The following SIMC1 variants were observed in gnomAD, a reference collection of about 807,000 sequenced individuals.
SIMC1 encodes the protein SUMO interacting motifs containing 1, also known as SUMO-interacting motif-containing protein 1.
In SIMC1, 55 loss-of-function variants were observed where a neutral mutation model predicts 82.3. The observed-to-expected ratio is 0.67, with a 90% CI of 0.54 to 0.84. The LOEUF (loss-of-function observed/expected upper bound fraction) is 0.84. Ranked by LOEUF, SIMC1 falls within the 40% of genes least tolerant of loss-of-function variation. SIMC1 has a pLI of 0.00. For missense variants in SIMC1, 915 were observed against 1,107.2 expected, an observed-to-expected ratio of 0.83 and a Z score of 2.46; for synonymous variants, 353 against 426.3, an observed-to-expected ratio of 0.83 and a Z score of 2.12.
intron 5 of SIMC1, among the ~76,000 whole-genome samples, chr5:176,319,979 C>T (rs1318472895): frequency 6.6e-6 from 1 of 152,138 alleles, no homozygotes; most frequent in Non-Finnish European, 1.5e-5. Flanking sequence ...TTCTGCACTT[C>T]CCTCTAGGTG....
At chr5:176,263,118 CTG>C (rs1307027974) in intron 1 of SIMC1, among the ~76,000 whole-genome samples, 1 of 152,072 alleles carries the variant, frequency 6.6e-6, no homozygotes, top group Non-Finnish European at 1.5e-5. Flanking sequence ...ATATAGAAAA[CTG>C]TGATGACAGG....
At chr5:176,337,873 G>A (rs937979415) in intron 9 of SIMC1, among the ~76,000 whole-genome samples, 8 of 152,198 alleles carry the variant, frequency 5.3e-5, no homozygotes, top group East Asian at 1.9e-4. Flanking sequence ...GACCAATGAC[G>A]ATGTAGGAGA....
chr5:176,267,969 C>T (rs909712076), intron 1 of SIMC1, among the ~76,000 whole-genome samples: 1 of 151,834 alleles, frequency 6.6e-6, no homozygotes, highest in African/African-American at 2.4e-5. Context: ...AGGCTGGTCT[C>T]CAGCTCCTGA....
chr5:176,287,310 T>G (rs988259070), intron 1 of SIMC1, among the ~76,000 whole-genome samples: 44 of 152,310 alleles, frequency 2.9e-4, no homozygotes, highest in African/African-American at 7.0e-4. Context: ...TAAAAAATGA[T>G]GAGTTCATGT....
intron 1 of SIMC1, among the ~76,000 whole-genome samples, chr5:176,248,437 T>C (rs1761524922): frequency 6.6e-6 from 1 of 152,152 alleles, no homozygotes. Flanking sequence ...GGAATGCTTG[T>C]GACTTTTGCA....
chr5:176,290,670 C>G lies in SIMC1; in HGVS notation c.1146C>G (p.Asp382Glu). The G allele has an allele frequency of 6.2e-7, 1 of 1,614,042 alleles. No individual in the cohort carries two copies. The highest frequency in any genetic ancestry group is 1.1e-5 in the South Asian group (1 of 91,086). Residue 382 changes from aspartate to glutamate, a missense_variant, in exon 2 of 10, where the codon GAC becomes GAG. By Grantham distance (45) the Asp-to-Glu change is conservative. Coordinates refer to ENST00000429602, the MANE Select transcript of SIMC1 (RefSeq NM_001308195.2). ...CCCAGAATGATGTACAGAACCGTGA[C>G]ATGCCTATGGATATCTCAGCTCTGT... ...DFTQNDVQNR[D>E]MPMDISALSS...
At chr5:176,267,879 G>T (rs1182931456) in intron 1 of SIMC1, among the ~76,000 whole-genome samples, 1 of 131,922 alleles carries the variant, frequency 7.6e-6, no homozygotes. Flanking sequence ...ACTCAGCCCC[G>T]CCAAGTAGCT....
At chr5:176,293,552 T>A (rs565922079) in intron 2 of SIMC1, among the ~76,000 whole-genome samples, 1 of 152,128 alleles carries the variant, frequency 6.6e-6, no homozygotes, top group African/African-American at 2.4e-5. Context: ...GAGACCAGCC[T>A]GGGCAACATG....
At chr5:176,292,183 G>C (rs551383327) in intron 2 of SIMC1, among the ~76,000 whole-genome samples, 2 of 152,236 alleles carry the variant, frequency 1.3e-5, no homozygotes, top group South Asian at 4.2e-4. Flanking sequence ...ATTACTTGCT[G>C]ACTTTGGGGG....
intron 1 of SIMC1, among the ~76,000 whole-genome samples, chr5:176,261,960 G>A (rs1449063130): frequency 6.6e-6 from 1 of 151,946 alleles, no homozygotes; most frequent in Non-Finnish European, 1.5e-5. Flanking sequence ...GGGACTACTT[G>A]CTAACTAGCT....
At chr5:176,253,028 A>T (rs1253245009) in intron 1 of SIMC1, among the ~76,000 whole-genome samples, 1 of 152,184 alleles carries the variant, frequency 6.6e-6, no homozygotes, top group Non-Finnish European at 1.5e-5. Context: ...AATCGCAGGC[A>T]CTCAGCAGGC....
chr5:176,313,586 T>C, intron 4 of SIMC1, 105 bp from the exon 5 acceptor site: 2 of 1,563,228 alleles, frequency 1.3e-6, no homozygotes, highest in South Asian at 1.2e-5. Flanking sequence ...GGCATACTTG[T>C]TGATGCATGG....
intron 4 of SIMC1, among the ~76,000 whole-genome samples, chr5:176,299,084 T>A (rs1763935407): frequency 6.6e-6 from 1 of 152,224 alleles, no homozygotes. Context: ...AGTCCCACTT[T>A]ATATCTTTTC....
chr5:176,314,798 G>A (rs1319372724), intron 5 of SIMC1, among the ~76,000 whole-genome samples: 2 of 152,112 alleles, frequency 1.3e-5, no homozygotes, highest in South Asian at 2.1e-4. Context: ...CATTGGTACA[G>A]AACTGATAAC....
At chr5:176,274,573 C>G (rs975367312) in intron 1 of SIMC1, among the ~76,000 whole-genome samples, 3 of 151,820 alleles carry the variant, frequency 2.0e-5, no homozygotes, top group African/African-American at 7.2e-5. Context: ...GATATGACGT[C>G]CTTGCCCTTG....
Position 176,290,067 on chromosome 5 carries a change from T to C in SIMC1, c.543T>C (p.Asp181=). 1 of 1,609,864 alleles carries C rather than the reference T, an allele frequency of 6.2e-7. No individual in the cohort carries two copies. The highest frequency in any genetic ancestry group is 8.5e-7 in the Non-Finnish European group (1 of 1,177,948). The change falls in exon 2 of 10, where the codon GAT becomes GAC. Residue 181 remains aspartate, a synonymous_variant. Transcript: ENST00000429602. ...TGGCAAGTCTACAGCTGTCTTCAGA[T>C]GTTAGCTCCCTCTCCCCAACAAGCA... The part of the protein sequence containing the change: ...SFLASLQLSS[D]VSSLSPTSNN...
Position 176,273,194 on chromosome 5 carries a change from C to CT in SIMC1, c.130-16459dup, listed in dbSNP as rs1367814077. On this transcript the variant is annotated intron_variant, in intron 1 of 9. Coordinates refer to ENST00000429602, the MANE Select transcript of SIMC1 (RefSeq NM_001308195.2). ...GGAGGCACCTCCCAGTAGAGGCTGA[C>CT]TGACACCTCATACAGCCGGGTGCCC... 2.6e-5 allele frequency among the ~76,000 whole-genome samples: 4 copies of CT among 152,344 alleles called. No individual in the cohort carries two copies. The East Asian group carries it at 7.7e-4, about 29-fold the overall frequency.
intron 1 of SIMC1, among the ~76,000 whole-genome samples, chr5:176,283,583 A>G (rs949919441): frequency 2.0e-5 from 3 of 152,218 alleles, no homozygotes; most frequent in African/African-American, 7.2e-5. Flanking sequence ...CCAAATTGTA[A>G]AGACCATTGA....
chr5:176,334,890 G>A (rs1453371858), intron 7 of SIMC1, among the ~76,000 whole-genome samples: 9 of 152,090 alleles, frequency 5.9e-5, no homozygotes, highest in East Asian at 1.9e-4. Flanking sequence ...TCAGGAGTTC[G>A]AGACCAGCCT....
Sources: gnomAD v4.1 joint callset for allele counts (sites outside exome capture counted in the v4.1 genomes callset) on GRCh38, gnomAD v4.1.1 for gene constraint, MANE v1.5 for transcripts, NCBI Gene and HGNC (gene_info 2026-07-23, HGNC 2026-07-21) for gene names.